The following CX3CR1 variants were observed in gnomAD, a reference collection of about 807,000 sequenced individuals.
CX3CR1 encodes the protein C-X3-C motif chemokine receptor 1.
For missense variants in CX3CR1, 363 were observed against 432.4 expected (o/e 0.84, Z 1.42); for synonymous variants, 168 against 178.5 (o/e 0.94, Z 0.47).
At chr3:39,273,044 C>T (rs2125553454) in intron 1 of CX3CR1, among the ~76,000 whole-genome samples, 1 of 152,366 alleles carries the variant, frequency 6.6e-6, no homozygotes, top group East Asian at 1.9e-4. Flanking sequence ...GGATCTCAAC[C>T]CCAGATGCCT....
rs767584102 is a variant in CX3CR1 at position 39,265,240 on chromosome 3, A to C, written c.*202T>G. The C allele has an allele frequency of 1.8e-6, 1 of 549,650 alleles. No individual in the cohort carries two copies. Among genetic ancestry groups the C allele is most frequent in the Non-Finnish European group, 3.1e-6 (1 of 318,284 alleles). The allele number at this position is 549,650 out of a possible 1,614,324, so 34.0% of individuals were successfully genotyped here. A position where few individuals can be genotyped will look rare whatever the true frequency, so the allele number is the denominator to read the frequency against. The stretch of plus-strand genomic sequence containing the variant: ...GACATTTGCAGTAAGAGAAATGTCT[A>C]CTCTTTGTCATTCAAAGAGTTCAAT... On this transcript the variant is annotated 3_prime_UTR_variant, in exon 2 of 2. Transcript: ENST00000399220.
chr3:39,282,359 C>T (rs1015476732), upstream of CX3CR1, among the ~76,000 whole-genome samples: 1 of 152,214 alleles, frequency 6.6e-6, no homozygotes, highest in African/African-American at 2.4e-5. Context: ...CCTTAGATCC[C>T]CGTCTTCATC....
rs775158276 is a variant in CX3CR1 at position 39,265,502 on chromosome 3, A to C, written c.1008T>G (p.Ser336Arg). 1 of 1,614,230 alleles carries C rather than the reference A, an allele frequency of 6.2e-7. No homozygotes were observed. Among genetic ancestry groups the C allele is most frequent in the South Asian group, 1.1e-5 (1 of 91,082 alleles). Residue 336 changes from serine to arginine, a missense_variant, in exon 2 of 2, where the codon AGT (serine) becomes AGG (arginine). Coordinates refer to ENST00000399220, the MANE Select transcript of CX3CR1 (RefSeq NM_001337.4). ...GGTAAGTAAAATTGCTGCTCAGAAC[A>C]CTTCCATGCCTGCTCCTTTGTGATT... ...SSESQRSRHG[S>R]VLSSNFTYHT...
chr3:39,280,584 A>G, upstream of CX3CR1: 1 of 552,766 alleles, frequency 1.8e-6, no homozygotes, highest in South Asian at 7.9e-5. Flanking sequence ...GAAGGCATCT[A>G]GTGAGTACCT....
At chr3:39,283,843 T>TATATATATATATATATA (rs1351970787), upstream of CX3CR1, among the ~76,000 whole-genome samples, 3 of 74,130 alleles carry the variant, frequency 4.0e-5, no homozygotes, top group South Asian at 6.5e-4. Flanking sequence ...ATATATATAA[T>TATATATATATATATATA]GTGGTTAATA....
At chr3:39,274,481 CAAAAA>C (rs10663570) in intron 1 of CX3CR1, among the ~76,000 whole-genome samples, 23 of 88,264 alleles carry the variant, frequency 2.6e-4, no homozygotes, top group Admixed American at 9.4e-4. Context: ...CAACCACCAC[CAAAAA>C]AAAAAAAAAA....
the CX3CR1 span, chr3:39,287,306 G>A: frequency 6.6e-6 from 1 of 152,170 alleles, no homozygotes; most frequent in African/African-American, 2.4e-5. Context: ...TAATCTATAT[G>A]TGGCTGTAGA....
At position 39,263,802 on chromosome 3, in the gene CX3CR1, T is replaced by C. The variant is rs1012353021; in HGVS notation, c.*1640A>G. The stretch of plus-strand genomic sequence containing the variant: ...GAAAACAAATCAGATTATAAAACCA[T>C]CTGTACATTACGATTGCAACTCTAA... On this transcript the variant is annotated 3_prime_UTR_variant, in exon 2 of 2. Coordinates refer to ENST00000399220, the MANE Select transcript of CX3CR1 (RefSeq NM_001337.4). The C allele has an allele frequency of 1.3e-5, 2 of 152,236 alleles. No homozygotes were observed. The highest frequency in any genetic ancestry group is 4.8e-5 in the African/African-American group (2 of 41,450). The allele number at this position is 152,236 out of a possible 1,614,324, so 9.4% of individuals were successfully genotyped here. A position where few individuals can be genotyped will look rare whatever the true frequency, so the allele number is the denominator to read the frequency against.
At chr3:39,267,179 G>C (rs978565089) in intron 1 of CX3CR1, among the ~76,000 whole-genome samples, 3 of 151,882 alleles carry the variant, frequency 2.0e-5, no homozygotes, top group Non-Finnish European at 4.4e-5. Flanking sequence ...GTGTGGATGA[G>C]AAAGGGAGAA....
At chr3:39,273,834 T>TCAA (rs2040807768) in intron 1 of CX3CR1, among the ~76,000 whole-genome samples, 1 of 152,170 alleles carries the variant, frequency 6.6e-6, no homozygotes, top group African/African-American at 2.4e-5. Flanking sequence ...CTTACTATGT[T>TCAA]GACCAGGCTG....
the CX3CR1 span, among the ~76,000 whole-genome samples, chr3:39,291,392 C>A: frequency 6.6e-6 from 1 of 152,130 alleles, no homozygotes; most frequent in Non-Finnish European, 1.5e-5. Flanking sequence ...CCTTTTTTCA[C>A]GTGCAACATG....
chr3:39,284,346 G>C (rs2040930448), upstream of CX3CR1, among the ~76,000 whole-genome samples: 1 of 152,146 alleles, frequency 6.6e-6, no homozygotes, highest in Non-Finnish European at 1.5e-5. Flanking sequence ...ATTTTTAGTG[G>C]AGATGGGGTT....
chr3:39,287,596 A>G, the CX3CR1 span: 1 of 152,198 alleles, frequency 6.6e-6, no homozygotes, highest in Non-Finnish European at 1.5e-5. Context: ...TTTTCGACAA[A>G]TTTGGAATAT....
At chr3:39,280,824 G>A (rs907614608), upstream of CX3CR1, among the ~76,000 whole-genome samples, 21 of 152,326 alleles carry the variant, frequency 1.4e-4, no homozygotes, top group Non-Finnish European at 2.6e-4. Context: ...AGCTTGGGGC[G>A]ACTGCAACGT....
In CX3CR1 at chr3:39,278,210, A is replaced by C. The variant is rs986283935; in HGVS notation, c.-10+1744T>G. ...GGAGACTGGCACGTGGCTGATGGAT[A>C]GTAGGTGCTCCCATCCCAGAGGTGT... On this transcript the variant is annotated intron_variant, in intron 1 of 1. Transcript: ENST00000399220. Among the ~76,000 whole-genome samples, 6 of 152,328 alleles carry C rather than the reference A, an allele frequency of 3.9e-5. No individual in the cohort carries two copies. The South Asian group carries it at 1.2e-3, about 32-fold the overall frequency.
intron 1 of CX3CR1, among the ~76,000 whole-genome samples, chr3:39,269,402 G>A (rs1281002828): frequency 3.3e-5 from 5 of 152,162 alleles, no homozygotes; most frequent in African/African-American, 1.2e-4. Context: ...AGCTGGGGGT[G>A]GTCTGGCTTG....
At chr3:39,281,314 C>T, upstream of CX3CR1, 3 of 985,352 alleles carry the variant, frequency 3.0e-6, no homozygotes, top group Non-Finnish European at 3.8e-6. Flanking sequence ...ACACTGGCCC[C>T]TCCCCACCCC....
upstream of CX3CR1, chr3:39,281,687 T>A: frequency 6.3e-6 from 10 of 1,598,054 alleles, no homozygotes; most frequent in Non-Finnish European, 8.5e-6. Flanking sequence ...CCTCCAGGGG[T>A]TCTCTCATCC....
chr3:39,289,223 C>T, the CX3CR1 span, among the ~76,000 whole-genome samples: 2 of 151,732 alleles, frequency 1.3e-5, no homozygotes, highest in Non-Finnish European at 2.9e-5. Flanking sequence ...ATGTGTAAAG[C>T]ACTTCATATG....
Sources: gnomAD v4.1 joint callset for allele counts (sites outside exome capture counted in the v4.1 genomes callset) on GRCh38, gnomAD v4.1.1 for gene constraint, MANE v1.5 for transcripts, NCBI Gene and HGNC (gene_info 2026-07-23, HGNC 2026-07-21) for gene names.